DCAF8L2: variants seen among roughly 807,000 people sequenced by gnomAD.
DCAF8L2 encodes the protein DDB1- and CUL4-associated factor 8-like protein 2.
For missense variants in DCAF8L2, 430 were observed against 490.7 expected, an observed-to-expected ratio of 0.88 and a Z score of 1.17; for synonymous variants, 200 against 190.9, an observed-to-expected ratio of 1.05 and a Z score of -0.39.
chrX:27,553,746 CT>C, the DCAF8L2 span, among the ~76,000 whole-genome samples: 1 of 110,591 alleles, frequency 9.0e-6, no homozygotes, highest in African/African-American at 3.3e-5. Context: ...AGCCATTATA[CT>C]TTCTTCCTTT....
chrX:27,523,409 A>AGTGT, the DCAF8L2 span, among the ~76,000 whole-genome samples: 73 of 96,532 alleles, frequency 7.6e-4, 1 homozygote, highest in Middle Eastern at 5.2e-3. Context: ...CTGTCTACTG[A>AGTGT]GTGTGTGTGT....
chrX:27,706,908 A>G (rs969817495), intron 3 of DCAF8L2, among the ~76,000 whole-genome samples: 1 of 112,609 alleles, frequency 8.9e-6, no homozygotes, highest in African/African-American at 3.2e-5. Flanking sequence ...GAATGGATAA[A>G]TAAGATGTGG....
chrX:27,585,875 G>A (rs1047301560), upstream of DCAF8L2, among the ~76,000 whole-genome samples: 1 of 111,068 alleles, frequency 9.0e-6, no homozygotes, highest in Admixed American at 9.6e-5. Flanking sequence ...ACCTCTCATT[G>A]GCTTCTGTTA....
At position 27,611,922 on chromosome X, in the gene DCAF8L2, C is replaced by T. The variant is rs144742648; in HGVS notation, c.-341-19957C>T. On this transcript the variant is annotated intron_variant, in intron 1 of 4. Coordinates refer to ENST00000451261, the MANE Select transcript of DCAF8L2 (RefSeq NM_001353450.2). ...TAAACATACGTGTGCATGTTCTTTA[C>T]AGTAGCATGATTTATAAGCCTTTGG... Among the ~76,000 whole-genome samples, 500 of 111,325 alleles carry T rather than the reference C, an allele frequency of 4.5e-3. 3 individuals carry two copies. The highest frequency in any genetic ancestry group is 7.6e-3 in the Non-Finnish European group (402 of 53,069).
At chrX:27,608,807 G>A (rs1927030133) in intron 1 of DCAF8L2, among the ~76,000 whole-genome samples, 1 of 110,162 alleles carries the variant, frequency 9.1e-6, no homozygotes, top group Non-Finnish European at 1.9e-5. Context: ...CAAACTGCAT[G>A]GCAATTTCAC....
the DCAF8L2 span, among the ~76,000 whole-genome samples, chrX:27,486,404 CAA>C: frequency 3.6e-5 from 4 of 111,600 alleles, no homozygotes; most frequent in African/African-American, 9.8e-5. Context: ...TGTTTCATAA[CAA>C]AGAGATTTCT....
At chrX:27,625,652 G>A (rs1039103847) in intron 1 of DCAF8L2, among the ~76,000 whole-genome samples, 4 of 111,777 alleles carry the variant, frequency 3.6e-5, no homozygotes, top group African/African-American at 1.3e-4. Flanking sequence ...AATGTGGTAC[G>A]TATACACCGT....
the DCAF8L2 span, among the ~76,000 whole-genome samples, chrX:27,503,773 A>G: frequency 1.8e-5 from 2 of 111,631 alleles, no homozygotes; most frequent in African/African-American, 6.5e-5. Context: ...TCTTTAGCTT[A>G]TCTATTTAGC....
rs754419269 is a variant in DCAF8L2 at position 27,605,095 on chromosome X, G to A, written c.-342+14655G>A. Reference sequence around the variant, plus strand: ...CTAGAGTCAGATGGCTATGAGGTTGGACCTGTGTTATATATCTGGGATATA... The same window carrying A: ...CTAGAGTCAGATGGCTATGAGGTTGAACCTGTGTTATATATCTGGGATATA... On this transcript the variant is annotated intron_variant, in intron 1 of 4. Transcript: ENST00000451261. Among the ~76,000 whole-genome samples, 5 of 111,110 alleles carry A rather than the reference G, an allele frequency of 4.5e-5. No individual in the cohort carries two copies. In the East Asian group the frequency reaches 1.4e-3, roughly 31 times the overall value.
the DCAF8L2 span, among the ~76,000 whole-genome samples, chrX:27,565,609 G>T: frequency 9.0e-6 from 1 of 111,603 alleles, no homozygotes; most frequent in Non-Finnish European, 1.9e-5. Context: ...TTTTGGAAGA[G>T]TTTAAGAAGG....
At chrX:27,616,420 A>T (rs775455874) in intron 1 of DCAF8L2, among the ~76,000 whole-genome samples, 10 of 111,505 alleles carry the variant, frequency 9.0e-5, no homozygotes, top group African/African-American at 2.9e-4. Flanking sequence ...CATAGTCTCT[A>T]TGAGAATTGG....
At chrX:27,660,531 G>A (rs1929520656) in intron 2 of DCAF8L2, among the ~76,000 whole-genome samples, 1 of 111,914 alleles carries the variant, frequency 8.9e-6, no homozygotes, top group Admixed American at 9.5e-5. Flanking sequence ...ATTGGTTACT[G>A]TGAATTCCTC....
chrX:27,705,655 T>G (rs1474362163), intron 3 of DCAF8L2, among the ~76,000 whole-genome samples: 1 of 111,879 alleles, frequency 8.9e-6, no homozygotes, highest in African/African-American at 3.2e-5. Context: ...TCTTGTAAAT[T>G]TACTTAAGTC....
At chrX:27,488,058 T>G in the DCAF8L2 span, among the ~76,000 whole-genome samples, 1 of 112,371 alleles carries the variant, frequency 8.9e-6, no homozygotes, top group African/African-American at 3.2e-5. Context: ...TTTAATATTT[T>G]ATGAATCAAT....
the DCAF8L2 span, among the ~76,000 whole-genome samples, chrX:27,585,228 A>G: frequency 9.0e-6 from 1 of 110,808 alleles, no homozygotes; most frequent in Non-Finnish European, 1.9e-5. Context: ...TCTTAATTTC[A>G]TGGAGTTTTA....
rs771338569 is a variant in DCAF8L2 at position 27,591,736 on chromosome X, CTG to C, written c.-342+1298_-342+1299del. Among the ~76,000 whole-genome samples the C allele has an allele frequency of 4.2e-4, 47 of 111,873 alleles. 1 individual carries two copies. Among genetic ancestry groups the C allele is most frequent in the Non-Finnish European group, 8.3e-4 (44 of 53,203 alleles). ...ACGAAGGCTCAGGGAAGTTAAGAAACTGTATCATACCGTAGTGATGCTGGAAA... is the reference window on the plus strand; with the variant it reads ...ACGAAGGCTCAGGGAAGTTAAGAAACTATCATACCGTAGTGATGCTGGAAA... On this transcript the variant is annotated intron_variant, in intron 1 of 4. Transcript: ENST00000451261.
chrX:27,561,683 GTTGTGACTGGA>G, the DCAF8L2 span, among the ~76,000 whole-genome samples: 1 of 111,183 alleles, frequency 9.0e-6, no homozygotes, highest in African/African-American at 3.3e-5. Flanking sequence ...GCATGGGGGG[GTTGTGACTGGA>G]TTCTTTCATT....
chrX:27,743,182 A>G (rs1921959881), intron 4 of DCAF8L2, among the ~76,000 whole-genome samples: 1 of 109,418 alleles, frequency 9.1e-6, no homozygotes, highest in Non-Finnish European at 1.9e-5. Context: ...CCCAGGCCCA[A>G]GGGATGGGAT....
At chrX:27,702,332 T>C (rs1278820757) in intron 3 of DCAF8L2, among the ~76,000 whole-genome samples, 1 of 108,383 alleles carries the variant, frequency 9.2e-6, no homozygotes, top group African/African-American at 3.4e-5. Context: ...AAATAGAAGA[T>C]GGAGCAGGTC....
Sources: allele counts gnomAD v4.1 joint callset (sites outside exome capture counted in the v4.1 genomes callset), GRCh38; gene constraint gnomAD v4.1.1; transcripts MANE v1.5; gene names NCBI Gene and HGNC (gene_info 2026-07-23, HGNC 2026-07-21).